The following CSTF3 variants were observed in gnomAD, a reference collection of about 807,000 sequenced individuals.
CSTF3 encodes cleavage stimulation factor subunit 3, also known as CF-1 77 kDa subunit.
A neutral mutation model predicts 105.8 loss-of-function variants in CSTF3; 29 were observed. That is an observed-to-expected ratio of 0.27 (90% CI 0.20 to 0.37). CSTF3 has a LOEUF of 0.37. Among genes scored for constraint, CSTF3 ranks in the 10% least tolerant of loss-of-function variants. The pLI is 1.00. For missense variants in CSTF3, 357 were observed against 879.3 expected, an observed-to-expected ratio of 0.41 and a Z score of 7.51; for synonymous variants, 252 against 281.9, an observed-to-expected ratio of 0.89 and a Z score of 1.06.
chr11:33,098,594 C>T, intron 13 of CSTF3, 96 bp downstream of exon 13: 1 of 753,420 alleles, frequency 1.3e-6, no homozygotes. Flanking sequence ...TAGAACTATA[C>T]AACAAAAACA....
intron 1 of CSTF3, chr11:33,156,599 A>G (rs1369035216): frequency 9.3e-6 from 4 of 429,604 alleles, no homozygotes; most frequent in Non-Finnish European, 1.9e-5. Flanking sequence ...GCTTCTTAGA[A>G]TCATGTAGCT....
chr11:33,141,760 AT>A lies in CSTF3; in HGVS notation c.131del (p.Asn44IlefsTer4), dbSNP rs1565017426. 1 of 1,585,376 alleles carries A rather than the reference AT, an allele frequency of 6.3e-7. No homozygotes were observed. ...TCTTCCGTGCTTTGTCTATAGGTTG[AT>A]TCTAAAATTGAAAACCAATAAACAG... ...AWSILIREAQ[N>X]QPIDKARKTY... On this transcript the variant is annotated frameshift_variant and splice_region_variant, in exon 3 of 21. Transcript: ENST00000323959. LOFTEE classifies it high-confidence loss of function.
At chr11:33,133,528 C>T (rs1328261878) in intron 3 of CSTF3, among the ~76,000 whole-genome samples, 1 of 152,186 alleles carries the variant, frequency 6.6e-6, no homozygotes, top group East Asian at 1.9e-4. Context: ...CAGCTAAAAC[C>T]TATAACCTAA....
intron 18 of CSTF3, among the ~76,000 whole-genome samples, chr11:33,086,458 AC>A (rs780587323): frequency 6.8e-4 from 100 of 147,114 alleles, no homozygotes; most frequent in Non-Finnish European, 1.2e-3. Context: ...TTTTTTTGAT[AC>A]AGAGTGTCGC....
At chr11:33,142,117 AG>A (rs1350627401) in intron 1 of CSTF3, 131 bp from the exon 2 acceptor site, 1 of 1,449,614 alleles carries the variant, frequency 6.9e-7, no homozygotes, top group Non-Finnish European at 9.2e-7. Flanking sequence ...CTTATAAAAG[AG>A]AAGTGTGTTT....
intron 8 of CSTF3, among the ~76,000 whole-genome samples, chr11:33,104,707 ATGAGCTGTGATTGTGC>A (rs1366243454): frequency 6.6e-6 from 1 of 152,156 alleles, no homozygotes; most frequent in Non-Finnish European, 1.5e-5. Flanking sequence ...TGAGACTGCA[ATGAGCTGTGATTGTGC>A]CACTGCATTC....
chr11:33,084,977 A>AT lies in CSTF3; in HGVS notation c.*109dup. The stretch of plus-strand genomic sequence containing the variant: ...CCATGTGATAGAGGCACCAATGACA[A>AT]TACAACTTTGTTTCCAAGAACCTTG... On this transcript the variant is annotated 3_prime_UTR_variant, in exon 21 of 21. Transcript: ENST00000323959. 8.4e-7 allele frequency: 1 copy of AT among 1,197,424 alleles called. No individual in the cohort carries two copies. Among genetic ancestry groups the AT allele is most frequent in the Non-Finnish European group, 1.2e-6 (1 of 823,710 alleles). 74.2% of individuals were successfully genotyped at this position (1,197,424 alleles called of 1,614,324 possible).
chr11:33,122,838 C>T (rs574738173), intron 3 of CSTF3, among the ~76,000 whole-genome samples: 1 of 148,482 alleles, frequency 6.7e-6, no homozygotes, highest in Non-Finnish European at 1.5e-5. Context: ...ATTGCTGGAG[C>T]CTAGGAGGTG....
chr11:33,161,171 C>T (rs1849936661), intron 1 of CSTF3, 128 bp downstream of exon 1: 2 of 926,236 alleles, frequency 2.2e-6, no homozygotes, highest in East Asian at 2.6e-5. Flanking sequence ...TCCCACCACT[C>T]TTCTATATAC....
intron 1 of CSTF3, among the ~76,000 whole-genome samples, chr11:33,148,711 ATGCTCTC>A (rs1855817036): frequency 6.6e-6 from 1 of 150,486 alleles, no homozygotes; most frequent in African/African-American, 2.4e-5. Flanking sequence ...AAAAAAAACT[ATGCTCTC>A]TAGTTGGTTG....
intron 3 of CSTF3, among the ~76,000 whole-genome samples, chr11:33,112,563 T>C (rs140098988): frequency 1.2e-3 from 176 of 152,268 alleles, no homozygotes; most frequent in Non-Finnish European, 2.1e-3. Context: ...GAAAGAGCAA[T>C]GGTGTTACTA....
chr11:33,150,586 G>C (rs910804970), intron 1 of CSTF3, among the ~76,000 whole-genome samples: 3 of 152,210 alleles, frequency 2.0e-5, no homozygotes, highest in African/African-American at 4.8e-5. Flanking sequence ...GCCAGGCACA[G>C]TGGCTCACGC....
intron 3 of CSTF3, among the ~76,000 whole-genome samples, chr11:33,113,633 GAA>G (rs1462530370): frequency 1.3e-5 from 2 of 152,050 alleles, no homozygotes; most frequent in East Asian, 1.9e-4. Flanking sequence ...ACAAAGATAT[GAA>G]AAGTGTCTAT....
At chr11:33,086,926 C>A (rs942382878) in intron 18 of CSTF3, 62 bp downstream of exon 18, 51 of 1,596,472 alleles carry the variant, frequency 3.2e-5, no homozygotes, top group Middle Eastern at 1.7e-4. Flanking sequence ...TACCCCCACG[C>A]TTTGGATTTA....
At position 33,088,772 on chromosome 11, in the gene CSTF3, A is replaced by G. The variant is rs138327681; in HGVS notation, c.1642-1631T>C. The stretch of plus-strand genomic sequence containing the variant: ...CAGGCAGGCGCCACCACACCTGGCT[A>G]ATTTTTGTATTTTTCTCTCTTTTTT... On this transcript the variant is annotated intron_variant, in intron 17 of 20. Coordinates refer to ENST00000323959, the MANE Select transcript of CSTF3 (RefSeq NM_001326.3). Among the ~76,000 whole-genome samples the G allele has an allele frequency of 1.7e-3, 265 of 151,722 alleles. 5 individuals are homozygous for G. The East Asian group carries it at 0.044, about 25-fold the overall frequency.
chr11:33,098,826 C>T, intron 12 of CSTF3, 62 bp from the exon 13 acceptor site: 4 of 1,303,452 alleles, frequency 3.1e-6, no homozygotes, highest in Non-Finnish European at 4.2e-6. Flanking sequence ...GATTTGAGCT[C>T]CAAGGAATCC....
chr11:33,134,539 C>T (rs961605103), intron 3 of CSTF3: 2 of 152,280 alleles, frequency 1.3e-5, no homozygotes, highest in South Asian at 2.1e-4. Context: ...TGACACTGCA[C>T]TTCTGTAATA....
intron 13 of CSTF3, among the ~76,000 whole-genome samples, chr11:33,097,375 T>A (rs900568154): frequency 3.9e-5 from 6 of 151,942 alleles, no homozygotes; most frequent in African/African-American, 1.5e-4. Context: ...TTACAATACA[T>A]GTTTTTTTTT....
intron 3 of CSTF3, among the ~76,000 whole-genome samples, chr11:33,111,435 T>C (rs1232309282): frequency 6.6e-6 from 1 of 152,050 alleles, no homozygotes; most frequent in Non-Finnish European, 1.5e-5. Context: ...TCTTATTGAA[T>C]GAAAAGATAG....
Sources: allele counts gnomAD v4.1 joint callset (sites outside exome capture counted in the v4.1 genomes callset), GRCh38; gene constraint gnomAD v4.1.1; transcripts MANE v1.5; gene names NCBI Gene and HGNC (gene_info 2026-07-23, HGNC 2026-07-21).